Variants in GRM7 observed in about 807,000 individuals in gnomAD.
GRM7 encodes the protein glutamate metabotropic receptor 7, also known as metabotropic glutamate receptor 7.
A neutral mutation model predicts 84.5 loss-of-function variants in GRM7; 35 were observed. The ratio of observed to expected loss-of-function variants is 0.41; its 90% CI spans 0.32 to 0.55. The LOEUF (loss-of-function observed/expected upper bound fraction) is 0.55, where lower values mean the gene tolerates loss of function less well. Among genes scored for constraint, GRM7 ranks in the 20% least tolerant of loss-of-function variants. GRM7 has a pLI of 0.19. For synonymous variants in GRM7, 487 were observed against 455.1 expected, an observed-to-expected ratio of 1.07 and a Z score of -0.89; for missense variants, 1,003 against 1,194.6, an observed-to-expected ratio of 0.84 and a Z score of 2.36.
chr3:7,199,879 C>T (rs1019395373), intron 2 of GRM7, among the ~76,000 whole-genome samples: 4 of 152,156 alleles, frequency 2.6e-5, no homozygotes, highest in East Asian at 1.9e-4. Flanking sequence ...TCATGCCAGA[C>T]CTTCTGTCTT....
intron 2 of GRM7, among the ~76,000 whole-genome samples, chr3:7,228,043 G>A (rs1359242184): frequency 6.6e-6 from 1 of 152,142 alleles, no homozygotes; most frequent in African/African-American, 2.4e-5. Flanking sequence ...CTAATAAGAT[G>A]TCTGTGATTA....
intron 1 of GRM7, among the ~76,000 whole-genome samples, chr3:7,008,483 A>C (rs1194773104): frequency 1.3e-5 from 2 of 152,216 alleles, no homozygotes; most frequent in East Asian, 1.9e-4. Flanking sequence ...AATTAAAGAA[A>C]ACTCTCTTCA....
At chr3:6,933,717 T>A (rs1441543513) in intron 1 of GRM7, among the ~76,000 whole-genome samples, 1 of 150,282 alleles carries the variant, frequency 6.7e-6, no homozygotes, top group Non-Finnish European at 1.5e-5. Flanking sequence ...TTTTACCAAA[T>A]CTGGCGAGAA....
chr3:7,353,449 GT>G (rs1386794393), intron 4 of GRM7, among the ~76,000 whole-genome samples: 1 of 152,040 alleles, frequency 6.6e-6, no homozygotes, highest in Non-Finnish European at 1.5e-5. Context: ...AAAAAACTTA[GT>G]TTATTTAGTG....
Position 7,116,235 on chromosome 3 carries a change from T to G in GRM7, c.520-30217T>G, listed in dbSNP as rs144023530. Among the ~76,000 whole-genome samples the G allele has an allele frequency of 3.0e-4, 46 of 152,290 alleles. No individual in the cohort carries two copies. In the East Asian group the frequency reaches 7.9e-3, roughly 26 times the overall value. On this transcript the variant is annotated intron_variant, in intron 1 of 9. Transcript: ENST00000357716. ...CTTAGTGACCACAGAAACAATTGTC[T>G]AATGCCATTTCTCTCCAGGCATTAC...
intron 2 of GRM7, among the ~76,000 whole-genome samples, chr3:7,253,109 G>T (rs1201015224): frequency 6.7e-6 from 1 of 149,676 alleles, no homozygotes; most frequent in African/African-American, 2.5e-5. Context: ...GTAGATGGCT[G>T]TATGGATACA....
rs138415910 is a variant in GRM7, at chr3:7,724,231, C to T, written c.2699-16126C>T. ...TGAGAAAGCAACAATGAAGCAAGGACATTTTGGTTAGTGAGGCCCATGCCA... is the reference window on the plus strand; with the variant it reads ...TGAGAAAGCAACAATGAAGCAAGGATATTTTGGTTAGTGAGGCCCATGCCA... On this transcript the variant is annotated intron_variant, in intron 9 of 9. Transcript: ENST00000357716. Among the ~76,000 whole-genome samples the T allele has an allele frequency of 4.9e-3, 750 of 152,300 alleles. 3 individuals carry two copies. The highest frequency in any genetic ancestry group is 0.017 in the African/African-American group (696 of 41,566).
At chr3:6,919,048 G>A (rs1697032580) in intron 1 of GRM7, among the ~76,000 whole-genome samples, 1 of 152,124 alleles carries the variant, frequency 6.6e-6, no homozygotes, top group African/African-American at 2.4e-5. Flanking sequence ...CTAATTTTCT[G>A]GTTGAGCCTG....
intron 8 of GRM7, among the ~76,000 whole-genome samples, chr3:7,627,955 G>A (rs1007416576): frequency 6.6e-5 from 10 of 152,118 alleles, no homozygotes; most frequent in African/African-American, 2.2e-4. Flanking sequence ...AGGTACTAGT[G>A]GTTAGGACTT....
At position 7,100,861 on chromosome 3, in the gene GRM7, T is replaced by C. The variant is rs114967126; in HGVS notation, c.520-45591T>C. ...AGATTTGGTTTGCCTAGTCTTGCAA[T>C]CTCTTGTATCTGGATTTTTTTGCTT... On this transcript the variant is annotated intron_variant, in intron 1 of 9. Coordinates refer to ENST00000357716, the MANE Select transcript of GRM7 (RefSeq NM_000844.4). Among the ~76,000 whole-genome samples, 866 of 151,954 alleles carry C rather than the reference T, an allele frequency of 5.7e-3. 8 individuals are homozygous for C. The highest frequency in any genetic ancestry group is 0.02 in the African/African-American group (810 of 41,512).
intron 5 of GRM7, among the ~76,000 whole-genome samples, chr3:7,450,921 TTA>T (rs1697739843): frequency 6.8e-6 from 1 of 146,018 alleles, no homozygotes; most frequent in African/African-American, 2.5e-5. Flanking sequence ...AGGTTACATT[TTA>T]TGTTATATGT....
intron 7 of GRM7, among the ~76,000 whole-genome samples, chr3:7,469,359 G>T (rs752850134): frequency 6.6e-6 from 1 of 152,162 alleles, no homozygotes; most frequent in African/African-American, 2.4e-5. Flanking sequence ...TTATGTTAAG[G>T]CCAGTCAGAA....
chr3:6,946,761 C>A (rs1487248966), intron 1 of GRM7, among the ~76,000 whole-genome samples: 2 of 151,284 alleles, frequency 1.3e-5, no homozygotes, highest in African/African-American at 4.8e-5. Flanking sequence ...AGTTCTAGGT[C>A]CTTCACATCC....
intron 1 of GRM7, among the ~76,000 whole-genome samples, chr3:7,034,710 AG>A (rs1222541245): frequency 6.6e-6 from 1 of 152,206 alleles, no homozygotes; most frequent in Non-Finnish European, 1.5e-5. Flanking sequence ...ATCAGTAAGA[AG>A]TCACATGAGC....
intron 1 of GRM7, among the ~76,000 whole-genome samples, chr3:6,984,021 AG>A (rs1426548722): frequency 6.6e-6 from 1 of 152,192 alleles, no homozygotes; most frequent in Non-Finnish European, 1.5e-5. Context: ...GGACATTGAC[AG>A]GGGACCACTT....
At chr3:7,605,396 A>C (rs1696515492) in intron 8 of GRM7, among the ~76,000 whole-genome samples, 1 of 152,190 alleles carries the variant, frequency 6.6e-6, no homozygotes, top group South Asian at 2.1e-4. Context: ...GACAATCAAA[A>C]ATGTTTTTGA....
chr3:7,420,989 G>A (rs972076254), intron 5 of GRM7, among the ~76,000 whole-genome samples: 1 of 152,060 alleles, frequency 6.6e-6, no homozygotes, highest in Non-Finnish European at 1.5e-5. Context: ...GGAATGTAAG[G>A]TATTGAATAA....
chr3:7,335,841 C>G (rs1000558611), intron 4 of GRM7, among the ~76,000 whole-genome samples: 5 of 151,870 alleles, frequency 3.3e-5, no homozygotes, highest in African/African-American at 1.2e-4. Context: ...AAACAACCCT[C>G]ATAGATTAAA....
chr3:7,139,236 A>G (rs537037238), intron 1 of GRM7, among the ~76,000 whole-genome samples: 2 of 151,560 alleles, frequency 1.3e-5, no homozygotes, highest in African/African-American at 4.8e-5. Context: ...ACGTTTTGTC[A>G]TATTTTCTTT....
Sources: allele counts gnomAD v4.1 joint callset (sites outside exome capture counted in the v4.1 genomes callset), GRCh38; gene constraint gnomAD v4.1.1; transcripts MANE v1.5; gene names NCBI Gene and HGNC (gene_info 2026-07-23, HGNC 2026-07-21).